The following BCOR variants were observed in gnomAD, a reference collection of about 807,000 sequenced individuals.
BCOR encodes BCL6 corepressor, also known as BCL-6 corepressor.
BCOR carries 10 observed loss-of-function variants against 86.7 expected under a neutral mutation model. That is an observed-to-expected ratio of 0.12 (90% CI 0.07 to 0.20). BCOR has a LOEUF of 0.20. BCOR is among the 10% of genes least tolerant of loss of function. BCOR has a pLI of 1.00. For missense variants in BCOR, 1,259 were observed against 1,452.1 expected (o/e 0.87, Z 2.16); for synonymous variants, 611 against 609.0 (o/e 1.00, Z -0.05).
rs200935685 is a variant in BCOR, at chrX:40,052,555, A to T, written c.4977-155T>A. ...TCACCATACCTACTCTCTGATCACC[A>T]TTTTTTTTTTTTTTTTTTTTTTTTT... is the stretch of plus-strand genomic sequence containing the variant. On this transcript the variant is annotated intron_variant, in intron 14 of 14. Transcript: ENST00000378444. 5.3e-3 allele frequency among the ~76,000 whole-genome samples: 251 copies of T among 47,617 alleles called. 10 individuals are homozygous for T. The East Asian group carries it at 0.08, about 15-fold the overall frequency. 41.3% of individuals were successfully genotyped at this position (47,617 alleles called of 115,157 possible). A position where few individuals can be genotyped will look rare whatever the true frequency, so the allele number is the denominator to read the frequency against.
chrX:40,056,722 G>A (rs953043585), intron 11 of BCOR, among the ~76,000 whole-genome samples: 14 of 111,892 alleles, frequency 1.3e-4, no homozygotes, highest in Non-Finnish European at 5.6e-5. Flanking sequence ...CAAGGACAGG[G>A]TGAGGGCCAC....
chrX:40,160,304 T>A (rs1210291686), intron 1 of BCOR, among the ~76,000 whole-genome samples: 1 of 110,805 alleles, frequency 9.0e-6, no homozygotes, highest in Non-Finnish European at 1.9e-5. Flanking sequence ...TTTTTTTTAG[T>A]AGAGACAGGG....
At chrX:40,082,601 C>T (rs1936155586) in intron 1 of BCOR, among the ~76,000 whole-genome samples, 1 of 110,876 alleles carries the variant, frequency 9.0e-6, no homozygotes, top group Admixed American at 9.5e-5. Flanking sequence ...GGAGGGGTCT[C>T]GCTACTGCAT....
intron 11 of BCOR, among the ~76,000 whole-genome samples, chrX:40,056,385 A>G (rs937968278): frequency 3.7e-5 from 4 of 108,734 alleles, no homozygotes; most frequent in African/African-American, 1.4e-4. Context: ...CCTCACACAG[A>G]TCAGTGATTA....
intron 1 of BCOR, among the ~76,000 whole-genome samples, chrX:40,096,617 C>A (rs1337472713): frequency 9.0e-6 from 1 of 111,444 alleles, no homozygotes; most frequent in Non-Finnish European, 1.9e-5. Context: ...GAGCTCGGCT[C>A]GGCCCGAGGC....
At chrX:40,064,212 G>A (rs1935064652) in intron 7 of BCOR, 124 bp downstream of exon 7, 4 of 1,040,625 alleles carry the variant, frequency 3.8e-6, no homozygotes, top group East Asian at 3.1e-5. Flanking sequence ...GCGCCCCCAC[G>A]GCTTCCCCTC....
At chrX:40,103,401 G>A (rs192129809) in intron 1 of BCOR, among the ~76,000 whole-genome samples, 1 of 111,114 alleles carries the variant, frequency 9.0e-6, no homozygotes, top group Admixed American at 9.5e-5. Context: ...CCAAAAGGAG[G>A]ATGTGTCTAG....
upstream of BCOR, among the ~76,000 whole-genome samples, chrX:40,100,985 CTTA>C (rs1057431049): frequency 1.8e-5 from 2 of 108,911 alleles, no homozygotes; most frequent in African/African-American, 3.4e-5. Flanking sequence ...TCAAAAATAT[CTTA>C]TTAAGGGAGT....
intron 12 of BCOR, among the ~76,000 whole-genome samples, chrX:40,054,815 C>T (rs1265281948): frequency 3.6e-5 from 4 of 112,574 alleles, no homozygotes; most frequent in Non-Finnish European, 7.5e-5. Flanking sequence ...ACTTATGTAT[C>T]TCTTCTTTGA....
At chrX:40,078,081 C>A in intron 1 of BCOR, 112 bp from the exon 2 acceptor site, 1 of 511,997 alleles carries the variant, frequency 2.0e-6, no homozygotes, top group Non-Finnish European at 3.4e-6. Context: ...ATGGGGAAGG[C>A]AGGCTGTGCC....
At chrX:40,159,182 A>G (rs1938362098) in intron 1 of BCOR, among the ~76,000 whole-genome samples, 1 of 112,439 alleles carries the variant, frequency 8.9e-6, no homozygotes, top group Non-Finnish European at 1.9e-5. Context: ...AAAAATGATG[A>G]AAGTTTATTT....
intron 1 of BCOR, among the ~76,000 whole-genome samples, chrX:40,152,579 C>T (rs890829727): frequency 8.9e-6 from 1 of 112,923 alleles, no homozygotes; most frequent in African/African-American, 3.2e-5. Context: ...GGAACCTCAC[C>T]CAAACACCAC....
chrX:40,058,448 G>C (rs1934707157), intron 10 of BCOR, among the ~76,000 whole-genome samples: 1 of 111,607 alleles, frequency 9.0e-6, no homozygotes, highest in African/African-American at 3.3e-5. Flanking sequence ...GGAGCTTGAT[G>C]GGTCACAGCA....
At chrX:40,167,337 G>A (rs1031527973) in intron 1 of BCOR, among the ~76,000 whole-genome samples, 8 of 112,026 alleles carry the variant, frequency 7.1e-5, no homozygotes, top group African/African-American at 2.6e-4. Context: ...AGATTAATAT[G>A]AACGTAACGT....
chrX:40,176,011 G>A (rs1323880742), intron 1 of BCOR, among the ~76,000 whole-genome samples: 2 of 112,728 alleles, frequency 1.8e-5, no homozygotes, highest in Non-Finnish European at 3.8e-5. Context: ...GGGGGGCGGA[G>A]GGACACCAAA....
chrX:40,124,651 G>C (rs1427647601), intron 1 of BCOR, among the ~76,000 whole-genome samples: 1 of 110,036 alleles, frequency 9.1e-6, no homozygotes, highest in Non-Finnish European at 1.9e-5. Flanking sequence ...CACCCAGGCT[G>C]GAATTCAGTG....
intron 1 of BCOR, among the ~76,000 whole-genome samples, chrX:40,168,374 G>A (rs907920464): frequency 3.5e-5 from 4 of 112,769 alleles, no homozygotes; most frequent in Admixed American, 1.9e-4. Context: ...TCTGCCGGGA[G>A]GGCGGAGAAG....
chrX:40,084,703 AC>A (rs1291008895), intron 1 of BCOR, among the ~76,000 whole-genome samples: 35 of 52,951 alleles, frequency 6.6e-4, no homozygotes, highest in African/African-American at 1.9e-3. Flanking sequence ...CGTCGCCGCC[AC>A]CCCCCCCCAC....
chrX:40,175,396 G>A (rs1037363934), intron 1 of BCOR, among the ~76,000 whole-genome samples: 1 of 113,390 alleles, frequency 8.8e-6, no homozygotes, highest in Non-Finnish European at 1.9e-5. Flanking sequence ...TTGAGCAAAC[G>A]TGGTCGCCTA....
Sources: gnomAD v4.1 joint callset for allele counts (sites outside exome capture counted in the v4.1 genomes callset) on GRCh38, gnomAD v4.1.1 for gene constraint, MANE v1.5 for transcripts, NCBI Gene and HGNC (gene_info 2026-07-23, HGNC 2026-07-21) for gene names.